The following ARHGAP6 variants were observed in gnomAD, a reference collection of about 807,000 sequenced individuals.
ARHGAP6 encodes Rho GTPase activating protein 6.
ARHGAP6 carries 16 observed loss-of-function variants against 55.7 expected under a neutral mutation model. That is an observed-to-expected ratio of 0.29 (90% confidence interval 0.19 to 0.44). The LOEUF is 0.44. ARHGAP6 is among the 20% of genes least tolerant of loss of function. The pLI, the probability that ARHGAP6 is intolerant of heterozygous loss-of-function variation, is 1.00. For missense variants in ARHGAP6, 698 were observed against 808.9 expected, an observed-to-expected ratio of 0.86 and a Z score of 1.66; for synonymous variants, 382 against 360.9, an observed-to-expected ratio of 1.06 and a Z score of -0.66.
intron 10 of ARHGAP6, among the ~76,000 whole-genome samples, chrX:11,150,498 A>G (rs777572520): frequency 8.9e-6 from 1 of 112,048 alleles, no homozygotes; most frequent in African/African-American, 3.2e-5. Flanking sequence ...ATTCGAACCT[A>G]TAATATTTAT....
chrX:11,487,687 T>C (rs912523187), intron 1 of ARHGAP6, among the ~76,000 whole-genome samples: 1 of 111,940 alleles, frequency 8.9e-6, no homozygotes. Flanking sequence ...CTTATCCCAC[T>C]GCTAAATGTG....
intron 1 of ARHGAP6, among the ~76,000 whole-genome samples, chrX:11,464,229 T>G (rs1043019536): frequency 8.9e-6 from 1 of 112,254 alleles, no homozygotes; most frequent in Non-Finnish European, 1.9e-5. Flanking sequence ...TTTACAAAGC[T>G]ATTCCCTTAC....
intron 1 of ARHGAP6, among the ~76,000 whole-genome samples, chrX:11,596,946 G>C (rs2051910989): frequency 9.0e-6 from 1 of 111,406 alleles, no homozygotes; most frequent in Non-Finnish European, 1.9e-5. Context: ...TATGTAGCTA[G>C]GGTGATCAAC....
chrX:11,436,349 A>G (rs1181804236), intron 1 of ARHGAP6, among the ~76,000 whole-genome samples: 2 of 112,353 alleles, frequency 1.8e-5, no homozygotes, highest in Non-Finnish European at 3.8e-5. Context: ...GAAGATATTC[A>G]GTCTTTGAAA....
At chrX:11,575,303 C>T (rs190405893) in intron 1 of ARHGAP6, among the ~76,000 whole-genome samples, 1 of 111,875 alleles carries the variant, frequency 8.9e-6, no homozygotes, top group East Asian at 2.8e-4. Flanking sequence ...ATGCCTAATT[C>T]CAATGCAAAC....
At chrX:11,260,290 T>C (rs1160559413) in intron 1 of ARHGAP6, among the ~76,000 whole-genome samples, 3 of 111,550 alleles carry the variant, frequency 2.7e-5, no homozygotes, top group Non-Finnish European at 5.7e-5. Flanking sequence ...GATAATTTGT[T>C]ATGGCAGCAA....
intron 1 of ARHGAP6, among the ~76,000 whole-genome samples, chrX:11,618,425 T>C (rs2052191127): frequency 8.9e-6 from 1 of 112,206 alleles, no homozygotes. Flanking sequence ...TACCAAAATA[T>C]ATGACTTCAT....
chrX:11,152,527 A>G (rs1334175890), intron 10 of ARHGAP6, among the ~76,000 whole-genome samples: 1 of 111,492 alleles, frequency 9.0e-6, no homozygotes, highest in Non-Finnish European at 1.9e-5. Context: ...CAACATATTT[A>G]CTGTTATGTC....
intron 1 of ARHGAP6, among the ~76,000 whole-genome samples, chrX:11,535,642 C>A (rs1156330185): frequency 1.8e-5 from 2 of 111,292 alleles, no homozygotes; most frequent in African/African-American, 6.6e-5. Flanking sequence ...ATTCCATAAC[C>A]ACCCGGCATC....
At chrX:11,642,950 A>G (rs2052490191) in intron 1 of ARHGAP6, among the ~76,000 whole-genome samples, 1 of 111,773 alleles carries the variant, frequency 8.9e-6, no homozygotes. Context: ...ACTGAAATCT[A>G]CTTAATATGG....
chrX:11,463,756 C>A (rs939687874), intron 1 of ARHGAP6, among the ~76,000 whole-genome samples: 1 of 112,530 alleles, frequency 8.9e-6, no homozygotes, highest in African/African-American at 3.2e-5. Context: ...CCTGTTCAGT[C>A]GGTGTCTGTC....
chrX:11,562,974 T>C (rs1367860215), intron 1 of ARHGAP6, among the ~76,000 whole-genome samples: 3 of 112,315 alleles, frequency 2.7e-5, no homozygotes, highest in African/African-American at 9.7e-5. Context: ...AATTGCCTAA[T>C]TGTGAAATTT....
At chrX:11,306,275 G>A (rs770754852) in intron 1 of ARHGAP6, among the ~76,000 whole-genome samples, 1 of 112,224 alleles carries the variant, frequency 8.9e-6, no homozygotes, top group Admixed American at 9.4e-5. Flanking sequence ...GGTTTCCCAG[G>A]ATATGTTGAC....
chrX:11,528,258 T>C (rs778080426), intron 1 of ARHGAP6, among the ~76,000 whole-genome samples: 15 of 112,376 alleles, frequency 1.3e-4, no homozygotes, highest in Non-Finnish European at 2.6e-4. Flanking sequence ...CACTGAGCTA[T>C]TGATTGAACT....
intron 1 of ARHGAP6, among the ~76,000 whole-genome samples, chrX:11,606,488 G>A (rs1029438361): frequency 1.8e-5 from 2 of 111,693 alleles, no homozygotes; most frequent in African/African-American, 6.5e-5. Context: ...GCAGATCCAA[G>A]GGTCTTAGCA....
chrX:11,529,057 C>T (rs1439808347), intron 1 of ARHGAP6, among the ~76,000 whole-genome samples: 1 of 111,776 alleles, frequency 8.9e-6, no homozygotes, highest in Admixed American at 9.5e-5. Flanking sequence ...CACACACAAT[C>T]TCCCTCTCCC....
chrX:11,155,108 G>C (rs921263338), intron 10 of ARHGAP6, among the ~76,000 whole-genome samples: 4 of 111,947 alleles, frequency 3.6e-5, no homozygotes, highest in Non-Finnish European at 7.5e-5. Context: ...ACCTGGGAAA[G>C]AAGGAGGTTG....
At chrX:11,336,286 C>T (rs912962683) in intron 1 of ARHGAP6, among the ~76,000 whole-genome samples, 7 of 111,259 alleles carry the variant, frequency 6.3e-5, no homozygotes, top group Non-Finnish European at 1.3e-4. Context: ...TTACAGGGAG[C>T]CTATGAGAGT....
chrX:11,461,592 T>C (rs181835776), intron 1 of ARHGAP6, among the ~76,000 whole-genome samples: 148 of 112,237 alleles, frequency 1.3e-3, no homozygotes, highest in Non-Finnish European at 1.1e-4. Context: ...GGGGTTGACA[T>C]ACTTGTCTCT....
Sources: allele counts gnomAD v4.1 joint callset (sites outside exome capture counted in the v4.1 genomes callset), GRCh38; gene constraint gnomAD v4.1.1; transcripts MANE v1.5; gene names NCBI Gene and HGNC (gene_info 2026-07-23, HGNC 2026-07-21).